The following C8orf34 variants were observed in gnomAD, a reference collection of about 807,000 sequenced individuals.
C8orf34 encodes uncharacterized protein C8orf34.
C8orf34 carries 65 observed loss-of-function variants against 68.3 expected under a neutral mutation model. That is an observed-to-expected ratio of 0.95 (90% CI 0.78 to 1.17). The LOEUF is 1.17. Among genes scored for constraint, C8orf34 ranks in the 50% most tolerant of loss-of-function variants. C8orf34 has a pLI of 0.00. For synonymous variants in C8orf34, 244 were observed against 241.2 expected (o/e 1.01, Z -0.11); for missense variants, 664 against 655.4 (o/e 1.01, Z -0.14).
rs571623793 is a variant in C8orf34, at chr8:68,446,350, A to G, written c.497A>G (p.Asp166Gly). Residue 166 changes from aspartate to glycine, a missense_variant, in exon 3 of 14, where the codon GAT becomes GGT. Physicochemically the swap from Asp to Gly is moderately conservative, Grantham distance 94. Coordinates refer to ENST00000518698, the MANE Select transcript of C8orf34 (RefSeq NM_052958.4). ...EKSESKGTRR[D>G]FRSYDKPWQL... ...ACAGAATCCAAAGGAACAAGAAGGG[A>G]TTTCAGAAGCTATGATAAACCTTGG... 4 of 1,601,210 alleles carry G rather than the reference A, an allele frequency of 2.5e-6. No individual in the cohort carries two copies. The highest frequency in any genetic ancestry group is 1.1e-5 in the South Asian group (1 of 87,686).
intron 3 of C8orf34, among the ~76,000 whole-genome samples, chr8:68,451,369 T>C (rs1239823649): frequency 1.3e-5 from 2 of 152,130 alleles, no homozygotes; most frequent in Non-Finnish European, 2.9e-5. Flanking sequence ...TTCATTTGCA[T>C]TCGCTACTTG....
intron 12 of C8orf34, among the ~76,000 whole-genome samples, chr8:68,812,717 T>C (rs2129530000): frequency 6.6e-6 from 1 of 152,326 alleles, no homozygotes; most frequent in South Asian, 2.1e-4. Flanking sequence ...TTAACAAATA[T>C]TTATTGAATC....
At chr8:68,456,098 A>C (rs1811537934) in intron 3 of C8orf34, among the ~76,000 whole-genome samples, 1 of 151,294 alleles carries the variant, frequency 6.6e-6, no homozygotes, top group East Asian at 1.9e-4. Context: ...CCAAAAAAAA[A>C]AAAAAAAATT....
intron 10 of C8orf34, among the ~76,000 whole-genome samples, chr8:68,739,864 C>T (rs375203429): frequency 4.1e-4 from 62 of 152,288 alleles, no homozygotes; most frequent in Admixed American, 2.2e-3. Flanking sequence ...TCAAACTATA[C>T]TATAGGGCTA....
intron 4 of C8orf34, among the ~76,000 whole-genome samples, chr8:68,487,614 C>G (rs1225405404): frequency 6.6e-6 from 1 of 152,186 alleles, no homozygotes; most frequent in Non-Finnish European, 1.5e-5. Flanking sequence ...CTTGGACCAC[C>G]ATTCTGCCTT....
At chr8:68,446,939 T>C (rs1242461653) in intron 3 of C8orf34, 1 of 154,908 alleles carries the variant, frequency 6.5e-6, no homozygotes, top group African/African-American at 2.4e-5. Context: ...CCCTATATTC[T>C]CTTCACTACT....
chr8:68,459,318 C>G (rs1340780607), intron 3 of C8orf34, among the ~76,000 whole-genome samples: 1 of 152,168 alleles, frequency 6.6e-6, no homozygotes, highest in Non-Finnish European at 1.5e-5. Flanking sequence ...CAACCTCCGT[C>G]TCCCAGGTTC....
intron 9 of C8orf34, among the ~76,000 whole-genome samples, chr8:68,712,932 G>A (rs1350338978): frequency 6.6e-6 from 1 of 152,000 alleles, no homozygotes; most frequent in Non-Finnish European, 1.5e-5. Flanking sequence ...CACACAACAA[G>A]TATCAGTAAA....
At chr8:68,524,121 T>C (rs899850606) in intron 6 of C8orf34, among the ~76,000 whole-genome samples, 3 of 152,226 alleles carry the variant, frequency 2.0e-5, no homozygotes, top group Admixed American at 2.0e-4. Context: ...CATTAAGTCT[T>C]ACTCAAATGG....
At chr8:68,461,777 A>G (rs1027471713) in intron 3 of C8orf34, among the ~76,000 whole-genome samples, 251 of 152,304 alleles carry the variant, frequency 1.6e-3, no homozygotes, top group African/African-American at 5.5e-3. Context: ...GCCCTACAAG[A>G]GCTCCTGAAG....
At chr8:68,372,507 G>A (rs551863037) in intron 1 of C8orf34, among the ~76,000 whole-genome samples, 3 of 152,118 alleles carry the variant, frequency 2.0e-5, no homozygotes, top group South Asian at 4.1e-4. Flanking sequence ...GGTGGGCCAA[G>A]GGGTTATATT....
chr8:68,593,825 C>T (rs1817465849), intron 7 of C8orf34, among the ~76,000 whole-genome samples: 1 of 151,784 alleles, frequency 6.6e-6, no homozygotes, highest in African/African-American at 2.4e-5. Flanking sequence ...CTTTAGTATT[C>T]ATGGCTATAT....
chr8:68,583,146 G>A (rs1031212996), intron 7 of C8orf34, among the ~76,000 whole-genome samples: 1 of 152,054 alleles, frequency 6.6e-6, no homozygotes, highest in African/African-American at 2.4e-5. Flanking sequence ...TTATGCAAAA[G>A]AGCCATATTT....
intron 3 of C8orf34, among the ~76,000 whole-genome samples, chr8:68,458,098 G>C (rs1336971832): frequency 6.6e-6 from 1 of 152,088 alleles, no homozygotes; most frequent in Non-Finnish European, 1.5e-5. Flanking sequence ...TGATTCCCAT[G>C]ATAAGTTAGG....
chr8:68,615,264 A>G (rs1193541517), intron 7 of C8orf34, among the ~76,000 whole-genome samples: 1 of 150,536 alleles, frequency 6.6e-6, no homozygotes, highest in African/African-American at 2.5e-5. Flanking sequence ...CTCTTTTCCT[A>G]ATTGAATACC....
intron 5 of C8orf34, among the ~76,000 whole-genome samples, chr8:68,495,569 G>A (rs1813490262): frequency 6.6e-6 from 1 of 152,152 alleles, no homozygotes; most frequent in Non-Finnish European, 1.5e-5. Flanking sequence ...TAGAAGTGGA[G>A]CACAAATCAA....
rs137864533 is a variant in C8orf34, at chr8:68,811,388, T to C, written c.1550-4498T>C. Among the ~76,000 whole-genome samples, 404 of 152,326 alleles carry C rather than the reference T, an allele frequency of 2.7e-3. 1 individual carries two copies. The highest frequency in any genetic ancestry group is 4.2e-3 in the Non-Finnish European group (288 of 68,032). Reference sequence around the variant, plus strand: ...GGGCCCCCAAGAGCACAAGGATGCCTGGGTCCAAAGCCGTGACTGAACAGC... The same window carrying C: ...GGGCCCCCAAGAGCACAAGGATGCCCGGGTCCAAAGCCGTGACTGAACAGC... On this transcript the variant is annotated intron_variant, in intron 12 of 13. Transcript: ENST00000518698.
At chr8:68,693,903 A>T (rs1439806328) in intron 8 of C8orf34, among the ~76,000 whole-genome samples, 1 of 152,092 alleles carries the variant, frequency 6.6e-6, no homozygotes, top group Non-Finnish European at 1.5e-5. Context: ...ATAATAAATT[A>T]AGAATGAGGT....
chr8:68,646,651 C>A (rs1819182381), intron 8 of C8orf34, among the ~76,000 whole-genome samples: 1 of 152,104 alleles, frequency 6.6e-6, no homozygotes, highest in Non-Finnish European at 1.5e-5. Context: ...CCTCTGGTAA[C>A]CACCATTCTA....
Sources: gnomAD v4.1 joint callset for allele counts (sites outside exome capture counted in the v4.1 genomes callset) on GRCh38, gnomAD v4.1.1 for gene constraint, MANE v1.5 for transcripts, NCBI Gene and HGNC (gene_info 2026-07-23, HGNC 2026-07-21) for gene names.